TMEM132B: variants seen among roughly 807,000 people sequenced by gnomAD.
The protein encoded by TMEM132B is transmembrane protein 132B.
Under a neutral mutation model 90.8 loss-of-function variants are expected in TMEM132B, and 18 were observed. The ratio of observed to expected loss-of-function variants is 0.20; its 90% CI spans 0.14 to 0.29. The LOEUF is 0.29. Among genes scored for constraint, TMEM132B ranks in the 10% least tolerant of loss-of-function variants. The probability of loss-of-function intolerance (pLI) is 1.00; values close to 1 mark genes in which losing one functional copy is unlikely to be tolerated. For missense variants in TMEM132B, 1,096 were observed against 1,326.8 expected (o/e 0.83, Z 2.70); for synonymous variants, 504 against 523.3 (o/e 0.96, Z 0.50).
At chr12:125,603,407 A>C (rs1288634460) in intron 5 of TMEM132B, among the ~76,000 whole-genome samples, 1 of 152,174 alleles carries the variant, frequency 6.6e-6, no homozygotes, top group East Asian at 1.9e-4. Flanking sequence ...TATGCAGAAA[A>C]CTAAAACTGG....
chr12:125,648,264 TG>T (rs1219708840), intron 6 of TMEM132B, among the ~76,000 whole-genome samples: 1 of 152,108 alleles, frequency 6.6e-6, no homozygotes, highest in Admixed American at 6.5e-5. Context: ...TAGTATTCCA[TG>T]GTGTATATGT....
intron 3 of TMEM132B, among the ~76,000 whole-genome samples, chr12:125,508,256 T>C (rs1401890920): frequency 6.6e-6 from 1 of 152,194 alleles, no homozygotes; most frequent in Non-Finnish European, 1.5e-5. Context: ...TCTAGGTGAA[T>C]GTGAGCACTC....
chr12:125,391,039 TAGTGTGTGTGTGTG>T lies in TMEM132B; in HGVS notation c.960-24491_960-24478del, dbSNP rs1307290646. Among the ~76,000 whole-genome samples, 223 of 143,640 alleles carry T rather than the reference TAGTGTGTGTGTGTG, an allele frequency of 1.6e-3. 1 individual carries two copies. The Middle Eastern group carries it at 0.052, about 33-fold the overall frequency. The allele number at this position is 143,640 out of a possible 152,430, so 94.2% of individuals were successfully genotyped here. A position where few individuals can be genotyped will look rare whatever the true frequency, so the allele number is the denominator to read the frequency against. ...GGATTAAAACAGATTTACTAAAGAA[TAGTGTGTGTGTGTG>T]TGTGTGTGTGTGTGTGTGTGTCTCA... is the stretch of plus-strand genomic sequence containing the variant. On this transcript the variant is annotated intron_variant, in intron 2 of 8. Coordinates refer to ENST00000682704, the MANE Select transcript of TMEM132B (RefSeq NM_001366854.1).
At chr12:125,564,321 A>G (rs918306022) in intron 4 of TMEM132B, among the ~76,000 whole-genome samples, 9 of 152,058 alleles carry the variant, frequency 5.9e-5, no homozygotes, top group Admixed American at 5.9e-4. Context: ...AATGGCTTCA[A>G]TACTGACATA....
Position 125,579,602 on chromosome 12 carries a change from T to G in TMEM132B, c.1294-4249T>G, listed in dbSNP as rs570216666. ...TGGTCTCAAACTCCTGACCTCATGA[T>G]CTACCTGTGTCAGCCTCCAAAAGTG... On this transcript the variant is annotated intron_variant, in intron 4 of 8. Transcript: ENST00000682704. 6.6e-5 allele frequency among the ~76,000 whole-genome samples: 10 copies of G among 152,228 alleles called. No homozygotes were observed. In the East Asian group the frequency reaches 1.9e-3, roughly 29 times the overall value.
intron 3 of TMEM132B, among the ~76,000 whole-genome samples, chr12:125,466,060 C>G (rs866790017): frequency 5.9e-5 from 9 of 152,150 alleles, no homozygotes; most frequent in Admixed American, 5.9e-4. Flanking sequence ...TATAGCAACA[C>G]AAAAATGGCC....
At chr12:125,520,506 T>C (rs866435) in intron 4 of TMEM132B, among the ~76,000 whole-genome samples, 73,511 of 151,784 alleles carry the variant, frequency 0.48, 18,010 homozygotes, top group East Asian at 0.59. Context: ...TCCCCGAATC[T>C]CGAGTGTCTC....
intron 2 of TMEM132B, among the ~76,000 whole-genome samples, chr12:125,367,132 T>C (rs1459046531): frequency 6.6e-6 from 1 of 152,198 alleles, no homozygotes; most frequent in Non-Finnish European, 1.5e-5. Context: ...AATGCTCTTC[T>C]GGTAATTCTA....
At chr12:125,527,070 C>T (rs1343152009) in intron 4 of TMEM132B, among the ~76,000 whole-genome samples, 2 of 147,540 alleles carry the variant, frequency 1.4e-5, no homozygotes, top group Non-Finnish European at 3.0e-5. Flanking sequence ...ACCCATTTAC[C>T]CTTCTATCCA....
Position 125,392,062 on chromosome 12 carries a change from C to T in TMEM132B, c.960-23469C>T, listed in dbSNP as rs142102686. ...GATTACAGGCATCAGCCACTGTGCC[C>T]GGCCTTAGTTTTATTTTTAATACCA... On this transcript the variant is annotated intron_variant, in intron 2 of 8. Transcript: ENST00000682704. 4.6e-3 allele frequency among the ~76,000 whole-genome samples: 704 copies of T among 152,272 alleles called. 13 individuals are homozygous for T. In the South Asian group the frequency reaches 0.05, roughly 11 times the overall value.
chr12:125,471,968 G>C, intron 3 of TMEM132B, among the ~76,000 whole-genome samples: 1 of 152,168 alleles, frequency 6.6e-6, no homozygotes, highest in East Asian at 1.9e-4. Context: ...GGTTCCCTGG[G>C]ATAGAGTTCA....
chr12:125,540,677 A>G (rs1345683395), intron 4 of TMEM132B, among the ~76,000 whole-genome samples: 1 of 152,148 alleles, frequency 6.6e-6, no homozygotes, highest in Non-Finnish European at 1.5e-5. Context: ...TACAGTGACT[A>G]CTCAAGTCCA....
chr12:125,612,672 A>G (rs1208283433), intron 5 of TMEM132B, among the ~76,000 whole-genome samples: 4 of 143,722 alleles, frequency 2.8e-5, no homozygotes, highest in Non-Finnish European at 4.6e-5. Context: ...GTTGTCTAGT[A>G]ACATTAAAAA....
At chr12:125,505,989 T>A (rs1882838656) in intron 3 of TMEM132B, among the ~76,000 whole-genome samples, 1 of 152,266 alleles carries the variant, frequency 6.6e-6, no homozygotes, top group Non-Finnish European at 1.5e-5. Flanking sequence ...ACTTGTCATA[T>A]GACCAAGCAA....
intron 3 of TMEM132B, among the ~76,000 whole-genome samples, chr12:125,497,957 C>A (rs1882601485): frequency 1.3e-5 from 2 of 152,134 alleles, no homozygotes; most frequent in African/African-American, 4.8e-5. Context: ...CATGAGTTGG[C>A]AAAGGACTCT....
At position 125,407,794 on chromosome 12, in the gene TMEM132B, G is replaced by A. The variant is rs886729425; in HGVS notation, c.960-7737G>A. Among the ~76,000 whole-genome samples the A allele has an allele frequency of 6.6e-6, 1 of 152,202 alleles. No homozygotes were observed. Among genetic ancestry groups the A allele is most frequent in the African/African-American group, 2.4e-5 (1 of 41,442 alleles). On this transcript the variant is annotated intron_variant, in intron 2 of 8. Coordinates refer to ENST00000682704, the MANE Select transcript of TMEM132B (RefSeq NM_001366854.1). This position sits in a 1 kb window ranked among gnomAD's most constrained non-coding sequence, Gnocchi z 6.7. The stretch of plus-strand genomic sequence containing the variant: ...GTGGTGACATTTGGGTTCACCTGGA[G>A]ACCTACCAGTGAACGTGGGCAGTGG...
intron 7 of TMEM132B, among the ~76,000 whole-genome samples, chr12:125,651,353 G>C (rs185480592): frequency 7.4e-4 from 113 of 152,204 alleles, no homozygotes; most frequent in African/African-American, 2.6e-3. Flanking sequence ...CCTTTTAGTT[G>C]TATCATACCT....
chr12:125,373,386 G>A (rs1019125444), intron 2 of TMEM132B, among the ~76,000 whole-genome samples: 9 of 152,310 alleles, frequency 5.9e-5, no homozygotes, highest in South Asian at 2.1e-4. Context: ...GTTAAAATGA[G>A]GTCATTAGGG....
chr12:125,275,949 A>G (rs7298985), intron 1 of TMEM132B, among the ~76,000 whole-genome samples: 24,522 of 152,138 alleles, frequency 0.16, 2,552 homozygotes, highest in African/African-American at 0.29. Context: ...CCTGGGCTTA[A>G]GCAATCCTCC....
Sources: gnomAD v4.1 joint callset for allele counts (sites outside exome capture counted in the v4.1 genomes callset) on GRCh38, gnomAD v4.1.1 for gene constraint, Gnocchi (gnomAD v3.1) non-coding constraint, MANE v1.5 for transcripts, NCBI Gene and HGNC (gene_info 2026-07-23, HGNC 2026-07-21) for gene names.